KLHL15: variants seen among roughly 807,000 people sequenced by gnomAD.
KLHL15 encodes kelch-like protein 15.
A neutral mutation model predicts 29.3 loss-of-function variants in KLHL15; 1 was observed. That is an observed-to-expected ratio of 0.03 (90% CI 0.01 to 0.16). The LOEUF (loss-of-function observed/expected upper bound fraction) is 0.16. KLHL15 is among the 10% of genes least tolerant of loss of function. KLHL15 has a pLI of 1.00. For synonymous variants in KLHL15, 212 were observed against 184.5 expected (o/e 1.15, Z -1.21); for missense variants, 215 against 478.5 (o/e 0.45, Z 5.14).
chrX:23,988,041 C>T lies in KLHL15; in HGVS notation c.1695G>A (p.Pro565=), dbSNP rs149191178. 1.4e-3 allele frequency: 1,690 copies of T among 1,209,335 alleles called. 6 individuals carry two copies. In the African/African-American group the frequency reaches 0.021, roughly 15 times the overall value. ...CATCTTCCTTCCACTTGTTTTCATC[C>T]GGATCAAAAGTGAGGATGGAATCGC... ...HYSDSILTFD[P]DENKWKEDEY... is the part of the protein sequence containing the mutation. The change falls in exon 4 of 4, where the codon CCG becomes CCA. Residue 565 remains proline, a synonymous_variant. Coordinates refer to ENST00000328046, the MANE Select transcript of KLHL15 (RefSeq NM_030624.3).
At chrX:24,011,071 C>G (rs757770792) in intron 2 of KLHL15, among the ~76,000 whole-genome samples, 38 of 107,833 alleles carry the variant, frequency 3.5e-4, no homozygotes, top group Middle Eastern at 4.8e-3. Context: ...AGATTTACTA[C>G]TTTGTTTCAT....
chrX:24,009,503 TAAATA>T (rs1256257922), intron 2 of KLHL15, among the ~76,000 whole-genome samples: 1 of 97,677 alleles, frequency 1.0e-5, no homozygotes, highest in East Asian at 3.2e-4. Flanking sequence ...CGTCTCAAAA[TAAATA>T]AAATAAAATA....
Position 24,026,109 on chromosome X carries a change from A to G in KLHL15, c.-210+1031T>C, listed in dbSNP as rs1181121025. ...TTATAAAAGTGACTAGATCTGCGCC[A>G]AATGACATCATTTTTTGTAAGGCAA... On this transcript the variant is annotated intron_variant, in intron 1 of 3. Transcript: ENST00000328046. Among the ~76,000 whole-genome samples, 5 of 112,340 alleles carry G rather than the reference A, an allele frequency of 4.5e-5. No individual in the cohort carries two copies. The East Asian group carries it at 1.4e-3, about 32-fold the overall frequency.
rs1296004039 is a variant in KLHL15, at chrX:24,027,159, T to A, written c.-229A>T. 1 of 112,089 alleles carries A rather than the reference T, an allele frequency of 8.9e-6. No individual in the cohort carries two copies. Among genetic ancestry groups the A allele is most frequent in the Non-Finnish European group, 1.9e-5 (1 of 53,313 alleles). The allele number at this position is 112,089 out of a possible 1,213,427, so 9.2% of individuals were successfully genotyped here. A position where few individuals can be genotyped will look rare whatever the true frequency, so the allele number is the denominator to read the frequency against. ...ACTGACCTGTCTAAAGAGAGGCTTC[T>A]GTTCTTGATTCAAGCAAGAGTTGAA... is the stretch of plus-strand genomic sequence containing the variant. On this transcript the variant is annotated 5_prime_UTR_variant, in exon 1 of 4. Transcript: ENST00000328046.
intron 3 of KLHL15, among the ~76,000 whole-genome samples, chrX:24,000,157 AATTTCAC>A (rs1929284381): frequency 8.9e-6 from 1 of 112,277 alleles, no homozygotes; most frequent in Non-Finnish European, 1.9e-5. Context: ...ATTCTAATCA[AATTTCAC>A]ATTTGAAATA....
Position 23,987,670 on chromosome X carries a change from A to G in KLHL15, c.*251T>C, listed in dbSNP as rs1053454351. The G allele has an allele frequency of 1.6e-5, 5 of 306,115 alleles. No individual in the cohort carries two copies. The South Asian group carries it at 3.2e-4, about 19-fold the overall frequency. The allele number at this position is 306,115 out of a possible 1,213,427, so 25.2% of individuals were successfully genotyped here. A position where few individuals can be genotyped will look rare whatever the true frequency, so the allele number is the denominator to read the frequency against. The stretch of plus-strand genomic sequence containing the variant: ...TTAAAGCAGAAAATCAATATCCCAG[A>G]TAAGTGGAGCATTCTATTCAACTGC... On this transcript the variant is annotated 3_prime_UTR_variant, in exon 4 of 4. Coordinates refer to ENST00000328046, the MANE Select transcript of KLHL15 (RefSeq NM_030624.3).
rs1363588437 is a variant in KLHL15, at chrX:23,994,829, T to A, written c.706-5799A>T. 9.0e-5 allele frequency among the ~76,000 whole-genome samples: 10 copies of A among 111,292 alleles called. 1 individual carries two copies. Among genetic ancestry groups the A allele is most frequent in the Admixed American group, 3.9e-4 (4 of 10,358 alleles). On this transcript the variant is annotated intron_variant, in intron 3 of 3. Transcript: ENST00000328046. The stretch of plus-strand genomic sequence containing the variant: ...ATAATTTCAGTGGTCTGAAAAAAAA[T>A]TTTTTTAATTTACTGATTATTTAAT...
chrX:24,013,026 T>C (rs1164329103), intron 2 of KLHL15, among the ~76,000 whole-genome samples: 3 of 112,008 alleles, frequency 2.7e-5, no homozygotes, highest in Non-Finnish European at 5.6e-5. Context: ...AACTAATCAA[T>C]GCTTGGCAAA....
intron 3 of KLHL15, among the ~76,000 whole-genome samples, chrX:23,999,412 G>A (rs901336583): frequency 3.7e-5 from 4 of 107,771 alleles, no homozygotes; most frequent in Non-Finnish European, 5.8e-5. Context: ...TGGCTAACAC[G>A]GTGAAACCCC....
chrX:23,986,413 GTATAGATC>G lies in KLHL15; in HGVS notation c.*1500_*1507del, dbSNP rs971055058. 4 of 112,557 alleles carry G rather than the reference GTATAGATC, an allele frequency of 3.6e-5. No individual in the cohort carries two copies. The highest frequency in any genetic ancestry group is 1.3e-4 in the African/African-American group (4 of 31,051). 9.3% of individuals were successfully genotyped at this position (112,557 alleles called of 1,213,427 possible). A position where few individuals can be genotyped will look rare whatever the true frequency, so the allele number is the denominator to read the frequency against. On this transcript the variant is annotated 3_prime_UTR_variant, in exon 4 of 4. Transcript: ENST00000328046. The stretch of plus-strand genomic sequence containing the variant: ...TTCTAAGATCTGGCAAGTTTTGCCA[GTATAGATC>G]TAGTCTGTATCAGATATAGACTACT...
intron 1 of KLHL15, 79 bp from the exon 2 acceptor site, chrX:24,025,137 C>A (rs1929895846): frequency 6.8e-6 from 2 of 295,083 alleles, no homozygotes; most frequent in Non-Finnish European, 1.2e-5. Flanking sequence ...GGGGCCCGGA[C>A]CGACCTTGCC....
Position 23,997,754 on chromosome X carries a change from A to AAAATT in KLHL15, c.705+8234_705+8235insAATTT, listed in dbSNP as rs1555975594. Among the ~76,000 whole-genome samples, 36 of 67,173 alleles carry AAAATT rather than the reference A, an allele frequency of 5.4e-4. 1 individual carries two copies. The highest frequency in any genetic ancestry group is 7.5e-4 in the Non-Finnish European group (32 of 42,443). The allele number at this position is 67,173 out of a possible 115,157, so 58.3% of individuals were successfully genotyped here. A position where few individuals can be genotyped will look rare whatever the true frequency, so the allele number is the denominator to read the frequency against. On this transcript the variant is annotated intron_variant, in intron 3 of 3. Coordinates refer to ENST00000328046, the MANE Select transcript of KLHL15 (RefSeq NM_030624.3). ...TCAAAAAAAAAAAAAAAAAAAAAAA[A>AAAATT]TTTTTTTTTTTTAAATTTTAGAAAA...
At chrX:24,018,188 G>A (rs866696719) in intron 2 of KLHL15, among the ~76,000 whole-genome samples, 5 of 111,897 alleles carry the variant, frequency 4.5e-5, no homozygotes, top group Middle Eastern at 4.6e-3. Context: ...AGAGACAGCC[G>A]CGGCAGCAGT....
chrX:23,991,508 A>G (rs968680130), intron 3 of KLHL15, among the ~76,000 whole-genome samples: 6 of 109,947 alleles, frequency 5.5e-5, no homozygotes, highest in Non-Finnish European at 1.1e-4. Context: ...AACAACAGCG[A>G]AACTCTTATC....
chrX:24,023,942 C>T lies in KLHL15; in HGVS notation c.-8+915G>A, dbSNP rs190293238. On this transcript the variant is annotated intron_variant, in intron 2 of 3. Transcript: ENST00000328046. Reference sequence around the variant, plus strand: ...CATCCTGCTCCCTAGATATGAAAAACAGGCATTAAAATTAGGGCATATATG... The same window carrying T: ...CATCCTGCTCCCTAGATATGAAAAATAGGCATTAAAATTAGGGCATATATG... Among the ~76,000 whole-genome samples, 6 of 112,222 alleles carry T rather than the reference C, an allele frequency of 5.3e-5. No homozygotes were observed. In the East Asian group the frequency reaches 1.7e-3, roughly 31 times the overall value.
chrX:23,984,406 C>G lies in KLHL15; in HGVS notation c.*3515G>C, dbSNP rs1041280029. 3 of 111,964 alleles carry G rather than the reference C, an allele frequency of 2.7e-5. No individual in the cohort carries two copies. The highest frequency in any genetic ancestry group is 9.5e-5 in the Admixed American group (1 of 10,504). 9.2% of individuals were successfully genotyped at this position (111,964 alleles called of 1,213,427 possible). A position where few individuals can be genotyped will look rare whatever the true frequency, so the allele number is the denominator to read the frequency against. On this transcript the variant is annotated 3_prime_UTR_variant, in exon 4 of 4. Transcript: ENST00000328046. The stretch of plus-strand genomic sequence containing the variant: ...GTAATTGAACAAACATATGATCTCT[C>G]AAAATGTTCAGAATACAAAAACAAA...
intron 3 of KLHL15, among the ~76,000 whole-genome samples, chrX:23,994,584 C>G (rs1403866914): frequency 8.9e-6 from 1 of 111,846 alleles, no homozygotes; most frequent in African/African-American, 3.2e-5. Flanking sequence ...TCATTTCTCA[C>G]ATAACAGTTT....
chrX:24,010,444 C>T (rs1046636726), intron 2 of KLHL15, among the ~76,000 whole-genome samples: 8 of 112,052 alleles, frequency 7.1e-5, no homozygotes, highest in African/African-American at 2.6e-4. Flanking sequence ...TTTCGTCCAC[C>T]GAACAGTTGT....
rs750224416 is a variant in KLHL15 at position 24,015,186 on chromosome X, T to G, written c.-7-8486A>C. Among the ~76,000 whole-genome samples, 46 of 112,335 alleles carry G rather than the reference T, an allele frequency of 4.1e-4. No individual in the cohort carries two copies. The Admixed American group carries it at 4.2e-3, about 10-fold the overall frequency. ...TTTTAGAACAGAAATATCTGTAAGT[T>G]ACTCAAATTTTCTTGGCCTTCTCTC... On this transcript the variant is annotated intron_variant, in intron 2 of 3. Coordinates refer to ENST00000328046, the MANE Select transcript of KLHL15 (RefSeq NM_030624.3).
Sources: allele counts gnomAD v4.1 joint callset (sites outside exome capture counted in the v4.1 genomes callset), GRCh38; gene constraint gnomAD v4.1.1; transcripts MANE v1.5; gene names NCBI Gene and HGNC (gene_info 2026-07-23, HGNC 2026-07-21).